ELMO3: variants seen among roughly 807,000 people sequenced by gnomAD.
ELMO3 encodes engulfment and cell motility protein 3.
Under a neutral mutation model 89.0 loss-of-function variants are expected in ELMO3, and 81 were observed. The ratio of observed to expected loss-of-function variants is 0.91; its 90% CI spans 0.76 to 1.09. ELMO3 has a LOEUF of 1.09. Among genes scored for constraint, ELMO3 ranks in the 50% least tolerant of loss-of-function variants. The probability of loss-of-function intolerance (pLI) is 0.00; values close to 1 mark genes in which losing one functional copy is unlikely to be tolerated. For synonymous variants in ELMO3, 406 were observed against 400.6 expected, an observed-to-expected ratio of 1.01 and a Z score of -0.16; for missense variants, 959 against 972.8, an observed-to-expected ratio of 0.99 and a Z score of 0.19.
chr16:67,201,804 G>A lies in ELMO3; in HGVS notation c.981G>A (p.Ser327=), dbSNP rs747875589. The A allele has an allele frequency of 8.7e-6, 14 of 1,611,870 alleles. No homozygotes were observed. The highest frequency in any genetic ancestry group is 2.7e-5 in the African/African-American group (2 of 74,904). Residue 327 remains serine, a synonymous_variant, in exon 11 of 20, where the codon TCG becomes TCA. Coordinates refer to ENST00000393997, the MANE Select transcript of ELMO3 (RefSeq NM_024712.5). The part of the protein sequence containing the change: ...QAAFEVEGES[S]GAGLSADRRR... ...CCTTCGAGGTGGAGGGGGAGTCCTC[G>A]GGTGCCGGGCTAAGTGCTGACCGTC...
chr16:67,202,804 G>T lies in ELMO3; in HGVS notation c.1562+14G>T. On this transcript the variant is annotated intron_variant, in intron 15 of 19. Transcript: ENST00000393997. ...TCCCCCTATACTGTGAGTCTGGGGG[G>T]ATGGATCCTCAGTCCTAGCCCTACC... 3 of 1,612,714 alleles carry T rather than the reference G, an allele frequency of 1.9e-6. No individual in the cohort carries two copies. Among genetic ancestry groups the T allele is most frequent in the Non-Finnish European group, 2.5e-6 (3 of 1,179,404 alleles).
At position 67,202,508 on chromosome 16, in the gene ELMO3, G is replaced by A. The variant is rs1394263471; in HGVS notation, c.1373G>A (p.Arg458Gln). The A allele has an allele frequency of 5.6e-6, 9 of 1,612,386 alleles. No homozygotes were observed. The highest frequency in any genetic ancestry group is 4.0e-5 in the African/African-American group (3 of 75,052). ...QLLNKTWKEM[R>Q]ATQEDFDKVM... is the part of the protein sequence containing the mutation. The stretch of plus-strand genomic sequence containing the variant: ...TTGAATAAGACCTGGAAGGAGATGC[G>A]GGCTACACAGGAGGACTTCGACAAG... The change falls in exon 14 of 20, where the codon CGG (arginine) becomes CAG (glutamine). Residue 458 changes from arginine to glutamine, a missense_variant. Physicochemically the swap from Arg to Gln is conservative, Grantham distance 43. Coordinates refer to ENST00000393997, the MANE Select transcript of ELMO3 (RefSeq NM_024712.5).
rs2033172202 is a variant in ELMO3 at position 67,203,389 on chromosome 16, G to A, written c.1843G>A (p.Gly615Ser). 1.9e-6 allele frequency: 3 copies of A among 1,611,438 alleles called. No individual in the cohort carries two copies. The highest frequency in any genetic ancestry group is 2.5e-6 in the Non-Finnish European group (3 of 1,179,290). The change falls in exon 18 of 20, where the codon GGC becomes AGC. Residue 615 changes from glycine (G) to serine (S), a missense_variant. Physicochemically the swap from Gly to Ser is moderately conservative, Grantham distance 56. Transcript: ENST00000393997. The surrounding 1 kb of genome is among the most constrained non-coding windows in gnomAD (Gnocchi z 4.6). ...GGACTGCCCCCATGTCCGGGAGAAG[G>A]GCTCCGGGAAGCAGAACAAGGTGAG... ...GKDCPHVREKGSGKQNKDLYE... is the reference protein window; with the variant it reads ...GKDCPHVREKSSGKQNKDLYE...
rs780014424 is a variant in ELMO3 at position 67,203,420 on chromosome 16, C to T, written c.1863+11C>T. 61 of 1,612,362 alleles carry T rather than the reference C, an allele frequency of 3.8e-5. No individual in the cohort carries two copies. In the South Asian group the frequency reaches 5.4e-4, roughly 14 times the overall value. ...GGGAAGCAGAACAAGGTGAGTACAGCGGGCCAGGGGCTCCTTCCCACCCGC... is the reference window on the plus strand; with the variant it reads ...GGGAAGCAGAACAAGGTGAGTACAGTGGGCCAGGGGCTCCTTCCCACCCGC... On this transcript the variant is annotated intron_variant, in intron 18 of 19. Coordinates refer to ENST00000393997, the MANE Select transcript of ELMO3 (RefSeq NM_024712.5). The surrounding 1 kb of genome is among the most constrained non-coding windows in gnomAD (Gnocchi z 4.6).
intron 13 of ELMO3, 36 bp from the exon 14 acceptor site, chr16:67,202,361 C>T: frequency 1.9e-6 from 3 of 1,613,642 alleles, no homozygotes; most frequent in Non-Finnish European, 2.5e-6. Flanking sequence ...GCTGTATGCA[C>T]TTTCTCCCTG....
Position 67,202,253 on chromosome 16 carries a change from G to A in ELMO3, c.1230G>A (p.Leu410=), listed in dbSNP as rs766949421. 2 of 1,606,256 alleles carry A rather than the reference G, an allele frequency of 1.2e-6. No individual in the cohort carries two copies. The highest frequency in any genetic ancestry group is 1.1e-5 in the South Asian group (1 of 90,790). ...GGGGCAGCATCCAGCTGACGGTGCT[G>A]CTGTGTGAGCTGCTCCGTGTTGGGG... ...FARGSIQLTV[L]LCELLRVGEP... The change falls in exon 13 of 20, where the codon CTG becomes CTA. Residue 410 remains leucine (L), a synonymous_variant. Transcript: ENST00000393997.
rs774488380 is a variant in ELMO3 at position 67,200,319 on chromosome 16, A to G, written c.371A>G (p.Asn124Ser). ...MIFAREVISR[N>S]GLQILGTIIE... ...TTTGCCAGGGAGGTCATCAGCCGTAATGGGCTCCAGATACTAGGCACCATC... is the reference window on the plus strand; with the variant it reads ...TTTGCCAGGGAGGTCATCAGCCGTAGTGGGCTCCAGATACTAGGCACCATC... The change falls in exon 5 of 20, where the codon AAT becomes AGT. Residue 124 changes from asparagine to serine, a missense_variant. Physicochemically the swap from Asn to Ser is conservative, Grantham distance 46 (BLOSUM62 1). Coordinates refer to ENST00000393997, the MANE Select transcript of ELMO3 (RefSeq NM_024712.5). 6.2e-7 allele frequency: 1 copy of G among 1,613,880 alleles called. No homozygotes were observed. The highest frequency in any genetic ancestry group is 1.1e-5 in the South Asian group (1 of 91,080).
At position 67,199,992 on chromosome 16, in the gene ELMO3, C is replaced by A. The variant is rs771565853; in HGVS notation, c.234C>A (p.Ser78Arg). 1.1e-5 allele frequency: 17 copies of A among 1,613,798 alleles called. No homozygotes were observed. The highest frequency in any genetic ancestry group is 1.4e-5 in the Non-Finnish European group (17 of 1,180,034). The change falls in exon 4 of 20, where the codon AGC becomes AGA. Residue 78 changes from serine (S) to arginine (R), a missense_variant. Ser to Arg is a moderately radical substitution (Grantham distance 110, BLOSUM62 -1). Transcript: ENST00000393997. Reference protein sequence around the residue: ...EIKNGSILCLSTAPDLEAEQL... With the variant: ...EIKNGSILCLRTAPDLEAEQL... ...AGAATGGCAGCATCCTGTGCCTCAG[C>A]ACGGCCCCAGTAATGCCCCTCCCGT...
rs758419181 is a variant in ELMO3 at position 67,199,282 on chromosome 16, T to G, written c.-45T>G. Reference sequence around the variant, plus strand: ...GGCCAGGTGCACCCTTGGCCGCAGGTGCACGGTCTCCGGAAAGTGCAGGCG... The same window carrying G: ...GGCCAGGTGCACCCTTGGCCGCAGGGGCACGGTCTCCGGAAAGTGCAGGCG... On this transcript the variant is annotated 5_prime_UTR_variant, in exon 1 of 20. Coordinates refer to ENST00000393997, the MANE Select transcript of ELMO3 (RefSeq NM_024712.5). 1.2e-6 allele frequency: 2 copies of G among 1,612,216 alleles called. No individual in the cohort carries two copies. Among genetic ancestry groups the G allele is most frequent in the South Asian group, 1.1e-5 (1 of 91,054 alleles).
chr16:67,203,578 C>T lies in ELMO3; in HGVS notation c.1945C>T (p.Arg649Trp), dbSNP rs753617002. Residue 649 changes from arginine (R) to tryptophan (W), a missense_variant, in exon 19 of 20, where the codon CGG (arginine) becomes TGG (tryptophan). Physicochemically the swap from Arg to Trp is moderately radical, Grantham distance 101. Transcript: ENST00000393997. This position sits in a 1 kb window ranked among gnomAD's most constrained non-coding sequence, Gnocchi z 4.6. The part of the protein sequence containing the change: ...AYLNFIAPSK[R>W]EFYLWTDGLS... ...CCTCAACTTCATTGCCCCCTCCAAG[C>T]GGGAGGTGAGTGTCCGCCAGGCTGA... The T allele has an allele frequency of 3.9e-5, 63 of 1,613,938 alleles. No individual in the cohort carries two copies. The highest frequency in any genetic ancestry group is 1.5e-4 in the South Asian group (14 of 91,082).
At position 67,199,202 on chromosome 16, in the gene ELMO3, G is replaced by A; in HGVS notation, c.-125G>A. The A allele has an allele frequency of 2.5e-6, 4 of 1,611,148 alleles. No individual in the cohort carries two copies. The highest frequency in any genetic ancestry group is 1.1e-5 in the South Asian group (1 of 90,892). On this transcript the variant is annotated 5_prime_UTR_variant, in exon 1 of 20. Coordinates refer to ENST00000393997, the MANE Select transcript of ELMO3 (RefSeq NM_024712.5). ...AGCAGCAGTCTGGGCCGCGAGTGCGGGACACCGAGGTCAGGTCTCGGAAAG... is the reference window on the plus strand; with the variant it reads ...AGCAGCAGTCTGGGCCGCGAGTGCGAGACACCGAGGTCAGGTCTCGGAAAG...
At chr16:67,201,702 A>C (rs1228139053) in intron 10 of ELMO3, 40 bp from the exon 11 acceptor site, 3 of 1,607,570 alleles carry the variant, frequency 1.9e-6, no homozygotes, top group Non-Finnish European at 2.5e-6. Context: ...TTGAATCTAT[A>C]ATCTTGATCC....
intron 6 of ELMO3, 48 bp from the exon 7 acceptor site, chr16:67,200,608 GA>G: frequency 6.2e-7 from 1 of 1,610,520 alleles, no homozygotes; most frequent in Non-Finnish European, 8.5e-7. Flanking sequence ...GGCAGTGGTA[GA>G]CCCGGTCTTC....
At position 67,199,588 on chromosome 16, in the gene ELMO3, C is replaced by T. The variant is rs375888237; in HGVS notation, c.114C>T (p.Cys38=). 6.2e-7 allele frequency: 1 copy of T among 1,608,724 alleles called. No individual in the cohort carries two copies. The part of the protein sequence containing the change: ...KPLAAVLKEV[C]DAWSLTHSER... ...TGGCCGCTGTGCTGAAGGAGGTGTG[C>T]GACGCGTGAGTGCTGCCGGGCCAGG... Residue 38 remains cysteine (C), a synonymous_variant, in exon 2 of 20, where the codon TGC becomes TGT. Transcript: ENST00000393997.
At position 67,199,681 on chromosome 16, in the gene ELMO3, C is replaced by T; in HGVS notation, c.120-3C>T. The T allele has an allele frequency of 6.2e-7, 1 of 1,610,298 alleles. No homozygotes were observed. The highest frequency in any genetic ancestry group is 8.5e-7 in the Non-Finnish European group (1 of 1,179,712). ...CGGCCTCGCTGAGCCTCGTGCCCCTCAGGTGGAGCCTGACGCACTCTGAGC... is the reference window on the plus strand; with the variant it reads ...CGGCCTCGCTGAGCCTCGTGCCCCTTAGGTGGAGCCTGACGCACTCTGAGC... On this transcript the variant is annotated splice_region_variant and splice_polypyrimidine_tract_variant and intron_variant, in intron 2 of 19. Transcript: ENST00000393997.
rs1251864172 is a variant in ELMO3, at chr16:67,203,367, C to A, written c.1821C>A (p.Asp607Glu). Residue 607 changes from aspartate (D) to glutamate (E), a missense_variant, in exon 18 of 20, where the codon GAC becomes GAA. By Grantham distance (45) the Asp-to-Glu change is conservative. Coordinates refer to ENST00000393997, the MANE Select transcript of ELMO3 (RefSeq NM_024712.5). This position sits in a 1 kb window ranked among gnomAD's most constrained non-coding sequence, Gnocchi z 4.6. ...TGAGGGCACTCCTGACAGGCAAGGACTGCCCCCATGTCCGGGAGAAGGGCT... is the reference window on the plus strand; with the variant it reads ...TGAGGGCACTCCTGACAGGCAAGGAATGCCCCCATGTCCGGGAGAAGGGCT... The part of the protein sequence containing the change: ...ADMRALLTGK[D>E]CPHVREKGSG... The A allele has an allele frequency of 6.2e-7, 1 of 1,608,852 alleles. No homozygotes were observed. Among genetic ancestry groups the A allele is most frequent in the Admixed American group, 1.7e-5 (1 of 59,562 alleles).
chr16:67,199,341 G>A lies in ELMO3; in HGVS notation c.15G>A (p.Arg5=). The A allele has an allele frequency of 1.2e-6, 2 of 1,610,950 alleles. No homozygotes were observed. The highest frequency in any genetic ancestry group is 1.7e-6 in the Non-Finnish European group (2 of 1,179,230). ...CCAGCTGGACCATGGCGCCTCCGCG[G>A]AACGTGGTGAAGATTGCCATCAAGA... MAPP[R]NVVKIAIKMR... Residue 5 remains arginine (R), a synonymous_variant, in exon 1 of 20, where the codon CGG becomes CGA. Coordinates refer to ENST00000393997, the MANE Select transcript of ELMO3 (RefSeq NM_024712.5).
At chr16:67,200,028 C>G (rs755817016) in intron 4 of ELMO3, 27 bp downstream of exon 4, 12 of 1,612,004 alleles carry the variant, frequency 7.4e-6, no homozygotes, top group Non-Finnish European at 1.0e-5. Flanking sequence ...CCCGCCTTCC[C>G]CATCCCTGCC....
Position 67,200,864 on chromosome 16 carries a change from TCCACTGAGC to T in ELMO3, c.666-23_666-15del. The T allele has an allele frequency of 6.2e-7, 1 of 1,613,686 alleles. No individual in the cohort carries two copies. The highest frequency in any genetic ancestry group is 1.1e-5 in the South Asian group (1 of 91,084). On this transcript the variant is annotated splice_polypyrimidine_tract_variant and intron_variant, in intron 7 of 19. Coordinates refer to ENST00000393997, the MANE Select transcript of ELMO3 (RefSeq NM_024712.5). Reference sequence around the variant, plus strand: ...GGGAGCAGGGCTGGAGCCTGAATGTTCCACTGAGCCCTCTTCTTGCCATAGGATGAACCA... The same window carrying T: ...GGGAGCAGGGCTGGAGCCTGAATGTTCCTCTTCTTGCCATAGGATGAACCA...
Sources: allele counts gnomAD v4.1 joint callset, GRCh38; gene constraint gnomAD v4.1.1; non-coding constraint Gnocchi (gnomAD v3.1); transcripts MANE v1.5; gene names NCBI Gene and HGNC (gene_info 2026-07-23, HGNC 2026-07-21).